INPP5K: variants seen among roughly 807,000 people sequenced by gnomAD.
The protein encoded by INPP5K is inositol polyphosphate 5-phosphatase K.
A neutral mutation model predicts 53.5 loss-of-function variants in INPP5K; 35 were observed. That is an observed-to-expected ratio of 0.65 (90% confidence interval 0.50 to 0.87). The LOEUF (loss-of-function observed/expected upper bound fraction) is 0.87. Among genes scored for constraint, INPP5K ranks in the 40% least tolerant of loss-of-function variants. The pLI, the probability that INPP5K is intolerant of heterozygous loss-of-function variation, is 0.00. For synonymous variants in INPP5K, 253 were observed against 232.8 expected, an observed-to-expected ratio of 1.09 and a Z score of -0.79; for missense variants, 550 against 586.2, an observed-to-expected ratio of 0.94 and a Z score of 0.64.
chr17:1,514,602 C>T (rs1223760386), intron 1 of INPP5K, among the ~76,000 whole-genome samples: 1 of 152,040 alleles, frequency 6.6e-6, no homozygotes. Context: ...GTCAGGCTAG[C>T]GAAGGGTTAG....
chr17:1,505,292 A>G (rs192764049), intron 7 of INPP5K, among the ~76,000 whole-genome samples: 2 of 152,202 alleles, frequency 1.3e-5, no homozygotes, highest in Admixed American at 6.5e-5. Flanking sequence ...ACACCCAGCT[A>G]ATTTTTAAAT....
chr17:1,503,278 G>A (rs955253110), intron 7 of INPP5K, among the ~76,000 whole-genome samples: 9 of 151,266 alleles, frequency 5.9e-5, no homozygotes, highest in Admixed American at 3.3e-4. Context: ...CCGCCTCCTG[G>A]GTTCACGCCA....
chr17:1,511,845 GT>G, intron 3 of INPP5K, among the ~76,000 whole-genome samples: 1 of 141,242 alleles, frequency 7.1e-6, no homozygotes, highest in Non-Finnish European at 1.6e-5. Flanking sequence ...GGCTCGCTTT[GT>G]GAAGGAGCAG....
At chr17:1,503,033 G>T (rs1020371922) in intron 7 of INPP5K, among the ~76,000 whole-genome samples, 6 of 152,076 alleles carry the variant, frequency 3.9e-5, no homozygotes, top group African/African-American at 1.2e-4. Flanking sequence ...GGGACTACGG[G>T]TATGTGCCAC....
At chr17:1,513,358 G>T in intron 3 of INPP5K, 95 bp downstream of exon 3, 1 of 999,502 alleles carries the variant, frequency 1.0e-6, no homozygotes, top group Non-Finnish European at 1.6e-6. Context: ...ATGAAAGGCT[G>T]AGCAGGAGTA....
At chr17:1,514,086 G>A in intron 1 of INPP5K, 107 bp from the exon 2 acceptor site, 1 of 595,820 alleles carries the variant, frequency 1.7e-6, no homozygotes, top group Non-Finnish European at 2.8e-6. Flanking sequence ...ACTTTGGGCG[G>A]CCGAGGTGGG....
At chr17:1,499,796 C>G (rs1483171349) in intron 7 of INPP5K, among the ~76,000 whole-genome samples, 1 of 152,184 alleles carries the variant, frequency 6.6e-6, no homozygotes, top group African/African-American at 2.4e-5. Context: ...GTTCCACCCC[C>G]TTCATGGACA....
chr17:1,516,611 CTG>C, exon 1 of INPP5K: 1 of 1,408,402 alleles, frequency 7.1e-7, no homozygotes, highest in East Asian at 3.0e-5. Flanking sequence ...CTGTCGCGGA[CTG>C]TTTTTCTTCC....
intron 7 of INPP5K, among the ~76,000 whole-genome samples, chr17:1,498,480 C>T (rs1477919922): frequency 1.3e-5 from 2 of 152,188 alleles, no homozygotes; most frequent in African/African-American, 2.4e-5. Flanking sequence ...CTGGACACAC[C>T]TGAGCTTGTA....
In INPP5K at chr17:1,509,365, G is replaced by A. The variant is rs766732944; in HGVS notation, c.379-12C>T. Reference sequence around the variant, plus strand: ...CCACCTTTGTTCCCCTGGTAGAACAGGTCAACAGAAGAGTGGGAAGCTACT... The same window carrying A: ...CCACCTTTGTTCCCCTGGTAGAACAAGTCAACAGAAGAGTGGGAAGCTACT... On this transcript the variant is annotated splice_polypyrimidine_tract_variant and intron_variant, in intron 4 of 11. Transcript: ENST00000421807. 5.0e-5 allele frequency: 81 copies of A among 1,609,170 alleles called. No homozygotes were observed. The highest frequency in any genetic ancestry group is 6.6e-5 in the Non-Finnish European group (78 of 1,176,694).
At chr17:1,515,051 T>C (rs1385503093) in intron 1 of INPP5K, among the ~76,000 whole-genome samples, 1 of 151,768 alleles carries the variant, frequency 6.6e-6, no homozygotes, top group Non-Finnish European at 1.5e-5. Flanking sequence ...GGATTACAGG[T>C]GTGTGCCACC....
intron 1 of INPP5K, chr17:1,516,203 C>G: frequency 2.0e-6 from 2 of 976,510 alleles, no homozygotes; most frequent in South Asian, 2.0e-5. Flanking sequence ...CAACCCCACA[C>G]GGCTGTCCTC....
In INPP5K at chr17:1,510,286, G is replaced by A. The variant is rs563893456; in HGVS notation, c.262-487C>T. The A allele has an allele frequency of 1.7e-3, 262 of 152,940 alleles. 2 individuals carry two copies. The highest frequency in any genetic ancestry group is 2.3e-3 in the Non-Finnish European group (158 of 68,614). The allele number at this position is 152,940 out of a possible 1,614,324, so 9.5% of individuals were successfully genotyped here. A position where few individuals can be genotyped will look rare whatever the true frequency, so the allele number is the denominator to read the frequency against. ...GGCTGGAGTGCAATGGCGTGGTCTC[G>A]GCTCACTGCAACCTCCACCTCCTGG... On this transcript the variant is annotated intron_variant, in intron 3 of 11. Transcript: ENST00000421807.
intron 7 of INPP5K, among the ~76,000 whole-genome samples, chr17:1,503,723 A>T (rs191065946): frequency 6.6e-6 from 1 of 152,242 alleles, no homozygotes; most frequent in Admixed American, 6.5e-5. Context: ...TGTCTCGAAA[A>T]AAATAAAACA....
At chr17:1,515,063 C>T (rs1402404615) in intron 1 of INPP5K, among the ~76,000 whole-genome samples, 3 of 152,034 alleles carry the variant, frequency 2.0e-5, no homozygotes, top group Non-Finnish European at 4.4e-5. Flanking sequence ...TGTGCCACCA[C>T]ATCTGGCTAA....
intron 7 of INPP5K, among the ~76,000 whole-genome samples, chr17:1,504,080 T>A (rs994922246): frequency 3.9e-5 from 6 of 152,292 alleles, no homozygotes; most frequent in Non-Finnish European, 8.8e-5. Flanking sequence ...TCCTTAACAT[T>A]TGCTCCAACC....
intron 1 of INPP5K, among the ~76,000 whole-genome samples, chr17:1,514,490 AC>A (rs370126489): frequency 8.5e-5 from 13 of 152,124 alleles, no homozygotes; most frequent in Non-Finnish European, 1.6e-4. Flanking sequence ...AGAAATCCCC[AC>A]CCCGGACTGG....
chr17:1,496,878 T>G, intron 8 of INPP5K, 75 bp from the exon 9 acceptor site: 6 of 1,514,336 alleles, frequency 4.0e-6, no homozygotes, highest in Non-Finnish European at 5.4e-6. Context: ...TTCCTCACTG[T>G]GCCCTTCCAA....
Position 1,495,757 on chromosome 17 carries a change from C to G in INPP5K, c.*66G>C. The G allele has an allele frequency of 8.1e-7, 1 of 1,232,208 alleles. No homozygotes were observed. The highest frequency in any genetic ancestry group is 1.2e-6 in the Non-Finnish European group (1 of 846,170). The allele number at this position is 1,232,208 out of a possible 1,614,324, so 76.3% of individuals were successfully genotyped here. On this transcript the variant is annotated 3_prime_UTR_variant, in exon 12 of 12. Transcript: ENST00000421807. Reference sequence around the variant, plus strand: ...GGCCAGGCTGGGCCCCCAGCACTCCCGGCAGTGGAAAGGCAGAGCTGGCTG... The same window carrying G: ...GGCCAGGCTGGGCCCCCAGCACTCCGGGCAGTGGAAAGGCAGAGCTGGCTG...
Sources: allele counts gnomAD v4.1 joint callset (sites outside exome capture counted in the v4.1 genomes callset), GRCh38; gene constraint gnomAD v4.1.1; transcripts MANE v1.5; gene names NCBI Gene and HGNC (gene_info 2026-07-23, HGNC 2026-07-21).